CPQ: variants seen among roughly 807,000 people sequenced by gnomAD.
The protein encoded by CPQ is carboxypeptidase Q, also known as Ser-Met dipeptidase.
A neutral mutation model predicts 45.7 loss-of-function variants in CPQ; 37 were observed. The observed-to-expected ratio is 0.81, with a 90% confidence interval of 0.62 to 1.07. The LOEUF (loss-of-function observed/expected upper bound fraction) is 1.07. Ranked by LOEUF, CPQ falls within the 50% of genes least tolerant of loss-of-function variation. CPQ has a pLI of 0.00. For synonymous variants in CPQ, 186 were observed against 205.8 expected (o/e 0.90, Z 0.82); for missense variants, 537 against 572.9 (o/e 0.94, Z 0.64).
At chr8:97,118,649 A>C (rs1563585399) in intron 7 of CPQ, among the ~76,000 whole-genome samples, 2 of 152,174 alleles carry the variant, frequency 1.3e-5, no homozygotes, top group African/African-American at 2.4e-5. Flanking sequence ...AATGGTCCTC[A>C]CAGCTTGAGG....
At chr8:97,078,831 G>A (rs1471927262) in intron 7 of CPQ, among the ~76,000 whole-genome samples, 2 of 138,458 alleles carry the variant, frequency 1.4e-5, no homozygotes, top group Non-Finnish European at 3.1e-5. Flanking sequence ...TTAGAGATGG[G>A]ATCTCACCCA....
intron 2 of CPQ, among the ~76,000 whole-genome samples, chr8:96,821,039 T>C (rs755283070): frequency 6.6e-6 from 1 of 151,952 alleles, no homozygotes; most frequent in Non-Finnish European, 1.5e-5. Context: ...ATTAGGGATA[T>C]TGAGCATTTT....
At chr8:96,825,511 C>G (rs1811368355) in intron 2 of CPQ, among the ~76,000 whole-genome samples, 1 of 152,016 alleles carries the variant, frequency 6.6e-6, no homozygotes, top group African/African-American at 2.4e-5. Context: ...ACTCTCTCCT[C>G]CTTAAAACTA....
At chr8:96,908,529 T>A (rs921341923) in intron 4 of CPQ, among the ~76,000 whole-genome samples, 1 of 152,114 alleles carries the variant, frequency 6.6e-6, no homozygotes, top group African/African-American at 2.4e-5. Flanking sequence ...TGGCATGAAC[T>A]ACAATGAGAT....
At chr8:96,981,847 T>C (rs1039499621) in intron 5 of CPQ, among the ~76,000 whole-genome samples, 2 of 152,210 alleles carry the variant, frequency 1.3e-5, no homozygotes, top group Non-Finnish European at 2.9e-5. Context: ...TTACTTACCA[T>C]GATCTTTTTA....
At chr8:96,865,585 G>A (rs551175910) in intron 3 of CPQ, among the ~76,000 whole-genome samples, 6 of 152,084 alleles carry the variant, frequency 3.9e-5, no homozygotes, top group Admixed American at 1.3e-4. Context: ...GTTGCAACAC[G>A]GCCTTGCCTC....
At chr8:96,970,123 GA>G (rs1813639737) in intron 5 of CPQ, among the ~76,000 whole-genome samples, 1 of 152,198 alleles carries the variant, frequency 6.6e-6, no homozygotes, top group African/African-American at 2.4e-5. Flanking sequence ...CTCTGGTCAA[GA>G]CTGTCTTGGA....
chr8:96,853,067 A>G (rs1264059887), intron 3 of CPQ, among the ~76,000 whole-genome samples: 2 of 152,220 alleles, frequency 1.3e-5, no homozygotes, highest in African/African-American at 4.8e-5. Context: ...GTTTACTAAA[A>G]TAGGACTGTT....
chr8:96,721,803 C>G lies in CPQ; in HGVS notation c.-34-63061C>G, dbSNP rs574262268. ...TTGGCTTTCACTCTCGACCTTGAACCTTTGTGCATGTCATACTACTTTTTT... is the reference window on the plus strand; with the variant it reads ...TTGGCTTTCACTCTCGACCTTGAACGTTTGTGCATGTCATACTACTTTTTT... On this transcript the variant is annotated intron_variant, in intron 1 of 7. Transcript: ENST00000220763. Among the ~76,000 whole-genome samples, 37 of 152,294 alleles carry G rather than the reference C, an allele frequency of 2.4e-4. No homozygotes were observed. In the South Asian group the frequency reaches 7.5e-3, roughly 31 times the overall value.
chr8:97,050,169 T>C (rs1477982827), intron 6 of CPQ, among the ~76,000 whole-genome samples: 1 of 152,172 alleles, frequency 6.6e-6, no homozygotes, highest in Non-Finnish European at 1.5e-5. Flanking sequence ...ATTTCTATTG[T>C]TTTTCATTGT....
chr8:96,871,040 T>G (rs1267430027), intron 3 of CPQ, among the ~76,000 whole-genome samples: 1 of 152,058 alleles, frequency 6.6e-6, no homozygotes, highest in African/African-American at 2.4e-5. Context: ...CTGATAATGA[T>G]GCACAGATGC....
intron 2 of CPQ, among the ~76,000 whole-genome samples, chr8:96,789,741 T>C (rs756947177): frequency 6.6e-6 from 1 of 152,224 alleles, no homozygotes; most frequent in African/African-American, 2.4e-5. Context: ...CGTGGCTTAA[T>C]AGTATTTTCT....
intron 1 of CPQ, among the ~76,000 whole-genome samples, chr8:96,783,746 A>T (rs368308878): frequency 6.6e-6 from 1 of 152,194 alleles, no homozygotes; most frequent in East Asian, 1.9e-4. Context: ...ACACGTATCT[A>T]TTGAGTACTT....
rs894081261 is a variant in CPQ at position 96,862,447 on chromosome 8, A to T, written c.642-17351A>T. On this transcript the variant is annotated intron_variant, in intron 3 of 7. Transcript: ENST00000220763. ...AGTTAGGCTATCTCAATTTTGGACAATGTGTTAGATAAAATAAAAAAAATA... is the reference window on the plus strand; with the variant it reads ...AGTTAGGCTATCTCAATTTTGGACATTGTGTTAGATAAAATAAAAAAAATA... Among the ~76,000 whole-genome samples the T allele has an allele frequency of 7.7e-4, 117 of 152,006 alleles. 1 individual carries two copies. The highest frequency in any genetic ancestry group is 2.7e-3 in the African/African-American group (111 of 41,474).
At chr8:96,911,115 C>T (rs898021152) in intron 4 of CPQ, among the ~76,000 whole-genome samples, 25 of 152,004 alleles carry the variant, frequency 1.6e-4, no homozygotes, top group East Asian at 5.8e-4. Flanking sequence ...AATATTTTAG[C>T]GATCCACGTG....
chr8:96,770,293 T>C lies in CPQ; in HGVS notation c.-34-14571T>C, dbSNP rs527694549. Reference sequence around the variant, plus strand: ...GGGATTCCCTCTAGGAAGGAATCATTATACCATTTGCCCTGCTCCCATCAT... The same window carrying C: ...GGGATTCCCTCTAGGAAGGAATCATCATACCATTTGCCCTGCTCCCATCAT... On this transcript the variant is annotated intron_variant, in intron 1 of 7. Coordinates refer to ENST00000220763, the MANE Select transcript of CPQ (RefSeq NM_016134.4). 3.9e-4 allele frequency among the ~76,000 whole-genome samples: 59 copies of C among 152,280 alleles called. No individual in the cohort carries two copies. The South Asian group carries it at 7.3e-3, about 19-fold the overall frequency.
chr8:96,829,663 A>G (rs990680004), intron 2 of CPQ, among the ~76,000 whole-genome samples: 5 of 152,126 alleles, frequency 3.3e-5, no homozygotes, highest in African/African-American at 1.2e-4. Context: ...GAAATCTTCT[A>G]AAGCCTTCTT....
intron 2 of CPQ, among the ~76,000 whole-genome samples, chr8:96,796,396 TA>T (rs1300322942): frequency 2.4e-4 from 36 of 152,228 alleles, no homozygotes; most frequent in Non-Finnish European, 4.6e-4. Flanking sequence ...ATTATTTTAA[TA>T]AATCAATTGT....
intron 1 of CPQ, among the ~76,000 whole-genome samples, chr8:96,675,540 C>A (rs1307808761): frequency 6.6e-6 from 1 of 152,056 alleles, no homozygotes; most frequent in Non-Finnish European, 1.5e-5. Flanking sequence ...CATCCTCGTG[C>A]ACAGATCATT....
Sources: allele counts gnomAD v4.1 joint callset (sites outside exome capture counted in the v4.1 genomes callset), GRCh38; gene constraint gnomAD v4.1.1; transcripts MANE v1.5; gene names NCBI Gene and HGNC (gene_info 2026-07-23, HGNC 2026-07-21).